ATP8A2: variants seen among roughly 807,000 people sequenced by gnomAD.
ATP8A2 encodes the protein phospholipid-transporting ATPase IB.
A neutral mutation model predicts 165.6 loss-of-function variants in ATP8A2; 100 were observed. The observed-to-expected ratio is 0.60, with a 90% CI of 0.51 to 0.71. ATP8A2 has a LOEUF of 0.71. Ranked by LOEUF, ATP8A2 falls within the 30% of genes least tolerant of loss-of-function variation. The pLI is 0.00. For missense variants in ATP8A2, 1,227 were observed against 1,479.5 expected (o/e 0.83, Z 2.80); for synonymous variants, 543 against 548.8 (o/e 0.99, Z 0.15).
chr13:25,486,494 A>G (rs2036357068), intron 2 of ATP8A2, among the ~76,000 whole-genome samples: 1 of 152,218 alleles, frequency 6.6e-6, no homozygotes, highest in African/African-American at 2.4e-5. Context: ...TATTGTGTTA[A>G]GGGACATGAT....
intron 30 of ATP8A2, among the ~76,000 whole-genome samples, chr13:25,854,293 A>G (rs936761214): frequency 6.6e-6 from 1 of 152,080 alleles, no homozygotes; most frequent in African/African-American, 2.4e-5. Context: ...GATTCCTCAC[A>G]TTCTTTTCTA....
chr13:25,732,824 C>CT (rs112623690), intron 25 of ATP8A2, among the ~76,000 whole-genome samples: 318 of 151,274 alleles, frequency 2.1e-3, no homozygotes, highest in Middle Eastern at 3.4e-3. Flanking sequence ...TGTATTATTG[C>CT]TTTTTTTTTG....
At chr13:25,887,835 T>C (rs1953208606) in intron 33 of ATP8A2, among the ~76,000 whole-genome samples, 1 of 152,212 alleles carries the variant, frequency 6.6e-6, no homozygotes, top group African/African-American at 2.4e-5. Context: ...TTTGTGTTTT[T>C]TTTTAGTTTG....
chr13:25,731,662 T>A (rs2043649202), intron 25 of ATP8A2, among the ~76,000 whole-genome samples: 1 of 152,164 alleles, frequency 6.6e-6, no homozygotes, highest in South Asian at 2.1e-4. Context: ...GTTGATGTAA[T>A]CAAATTCACA....
At chr13:25,754,285 T>C (rs1377879134) in intron 25 of ATP8A2, among the ~76,000 whole-genome samples, 3 of 152,196 alleles carry the variant, frequency 2.0e-5, no homozygotes, top group African/African-American at 7.2e-5. Context: ...GCCCTGGCCC[T>C]GAACAGAACA....
chr13:25,581,621 G>T (rs1316472706), intron 22 of ATP8A2, among the ~76,000 whole-genome samples, 198 bp from the exon 23 acceptor site: 2 of 152,162 alleles, frequency 1.3e-5, no homozygotes, highest in African/African-American at 4.8e-5. Context: ...TGGGCTGCCT[G>T]TGTGTGTAGA....
intron 15 of ATP8A2, 58 bp downstream of exon 15, chr13:25,559,823 T>A: frequency 7.9e-6 from 10 of 1,261,082 alleles, no homozygotes; most frequent in Non-Finnish European, 1.2e-5. Context: ...GAATAATTAT[T>A]TATTATTATT....
chr13:25,426,717 T>G (rs1193733041), intron 1 of ATP8A2, among the ~76,000 whole-genome samples: 1 of 151,858 alleles, frequency 6.6e-6, no homozygotes, highest in Non-Finnish European at 1.5e-5. Context: ...CTGACACGGG[T>G]GGATCACCTG....
chr13:25,556,503 T>C (rs1297163241), intron 13 of ATP8A2, among the ~76,000 whole-genome samples: 2 of 152,242 alleles, frequency 1.3e-5, no homozygotes, highest in Non-Finnish European at 2.9e-5. Flanking sequence ...GCTTATAGAT[T>C]CTGGATATTA....
At chr13:25,874,422 T>C (rs1215166487) in intron 33 of ATP8A2, among the ~76,000 whole-genome samples, 1 of 152,222 alleles carries the variant, frequency 6.6e-6, no homozygotes, top group Admixed American at 6.5e-5. Flanking sequence ...GTGCTCCTAT[T>C]GTATGTTCTC....
intron 35 of ATP8A2, among the ~76,000 whole-genome samples, chr13:25,978,969 A>T (rs9553692): frequency 0.14 from 21,000 of 151,516 alleles, 2,393 homozygotes; most frequent in East Asian, 0.55. Context: ...GAAATGCTGG[A>T]TGTTTTTTAT....
At chr13:25,812,213 T>C (rs1342463826) in intron 27 of ATP8A2, among the ~76,000 whole-genome samples, 3 of 151,714 alleles carry the variant, frequency 2.0e-5, no homozygotes, top group African/African-American at 7.3e-5. Context: ...CCTAACTGCA[T>C]CCCACATTTG....
intron 23 of ATP8A2, among the ~76,000 whole-genome samples, chr13:25,588,260 A>G (rs1280255644): frequency 6.6e-6 from 1 of 152,184 alleles, no homozygotes; most frequent in Admixed American, 6.5e-5. Context: ...TGAAATACAC[A>G]AACGAAATTT....
Position 25,892,216 on chromosome 13 carries a change from A to G in ATP8A2, c.3183+29808A>G, listed in dbSNP as rs200933650. Among the ~76,000 whole-genome samples, 10 of 151,896 alleles carry G rather than the reference A, an allele frequency of 6.6e-5. No individual in the cohort carries two copies. The East Asian group carries it at 1.9e-3, about 30-fold the overall frequency. On this transcript the variant is annotated intron_variant, in intron 33 of 36. Transcript: ENST00000381655. The stretch of plus-strand genomic sequence containing the variant: ...ATGGTCTTGATCTCCTGACCTCATG[A>G]TCCACCCGCCTCAGCCTCCAAAGTG...
In ATP8A2 at chr13:26,024,661, C is replaced by T. The variant is rs111397275; in HGVS notation, c.*4676C>T. ...AAGAGGGATTCTTTTTACACCCAGG[C>T]TGGCGCATTTTCAAGTGACAATCTC... On this transcript the variant is annotated 3_prime_UTR_variant, in exon 37 of 37. Transcript: ENST00000381655. The T allele has an allele frequency of 5.3e-5, 8 of 152,324 alleles. No individual in the cohort carries two copies. Among genetic ancestry groups the T allele is most frequent in the African/African-American group, 1.9e-4 (8 of 41,572 alleles). The allele number at this position is 152,324 out of a possible 1,614,324, so 9.4% of individuals were successfully genotyped here.
intron 1 of ATP8A2, among the ~76,000 whole-genome samples, chr13:25,420,179 C>T (rs568632355): frequency 1.3e-5 from 2 of 152,268 alleles, no homozygotes; most frequent in East Asian, 3.9e-4. Flanking sequence ...CAAAGGGAGT[C>T]CTCCTTGTCC....
At chr13:25,760,291 A>G (rs901761608) in intron 25 of ATP8A2, among the ~76,000 whole-genome samples, 2 of 152,224 alleles carry the variant, frequency 1.3e-5, no homozygotes, top group Non-Finnish European at 2.9e-5. Context: ...ATCATGTAGT[A>G]ATTAAGATCA....
chr13:25,870,278 C>T (rs1323230018), intron 33 of ATP8A2, among the ~76,000 whole-genome samples: 2 of 152,010 alleles, frequency 1.3e-5, no homozygotes, highest in Non-Finnish European at 2.9e-5. Context: ...GCTAGGGTCT[C>T]GATTTTTGTA....
chr13:25,675,493 G>C (rs2042353356), intron 24 of ATP8A2, among the ~76,000 whole-genome samples: 1 of 152,162 alleles, frequency 6.6e-6, no homozygotes, highest in Non-Finnish European at 1.5e-5. Context: ...TCAGACACTT[G>C]CAAATATGTG....
Sources: allele counts gnomAD v4.1 joint callset (sites outside exome capture counted in the v4.1 genomes callset), GRCh38; gene constraint gnomAD v4.1.1; transcripts MANE v1.5; gene names NCBI Gene and HGNC (gene_info 2026-07-23, HGNC 2026-07-21).